RORA: variants seen among roughly 807,000 people sequenced by gnomAD.
RORA encodes the protein nuclear receptor ROR-alpha.
Under a neutral mutation model 69.5 loss-of-function variants are expected in RORA, and 7 were observed. That is an observed-to-expected ratio of 0.10 (90% confidence interval 0.06 to 0.19). The LOEUF is 0.19. RORA is among the 10% of genes least tolerant of loss of function. The pLI is 1.00. For synonymous variants in RORA, 261 were observed against 240.8 expected (o/e 1.08, Z -0.78); for missense variants, 457 against 663.0 (o/e 0.69, Z 3.41).
chr15:61,150,404 TACAA>T (rs59349239), intron 1 of RORA, among the ~76,000 whole-genome samples: 5,843 of 152,240 alleles, frequency 0.038, 377 homozygotes, highest in African/African-American at 0.13. Flanking sequence ...AATATGTACA[TACAA>T]ACAGACAGTC....
chr15:61,069,646 T>A (rs530874369), intron 1 of RORA, among the ~76,000 whole-genome samples: 2 of 151,560 alleles, frequency 1.3e-5, no homozygotes, highest in African/African-American at 2.4e-5. Flanking sequence ...TTAATCCACA[T>A]TGTGAAAAAG....
chr15:61,143,127 G>C (rs534218732), intron 1 of RORA, among the ~76,000 whole-genome samples: 112 of 152,192 alleles, frequency 7.4e-4, no homozygotes, highest in African/African-American at 2.6e-3. Flanking sequence ...GGATACATTA[G>C]GAGAGAAGGC....
At chr15:60,598,667 G>A (rs2068751012) in intron 2 of RORA, among the ~76,000 whole-genome samples, 1 of 152,186 alleles carries the variant, frequency 6.6e-6, no homozygotes, top group Admixed American at 6.5e-5. Flanking sequence ...GTCAACAGTA[G>A]GCTATTAGTA....
intron 1 of RORA, among the ~76,000 whole-genome samples, chr15:61,115,941 C>G (rs748636093): frequency 6.6e-6 from 1 of 152,130 alleles, no homozygotes; most frequent in Non-Finnish European, 1.5e-5. Context: ...AAAAAGTGAG[C>G]TGTGTCTAGG....
chr15:61,039,497 C>T (rs1243037296), intron 1 of RORA, among the ~76,000 whole-genome samples: 4 of 151,804 alleles, frequency 2.6e-5, no homozygotes, highest in South Asian at 2.1e-4. Context: ...AGGCAGATCA[C>T]GAGGTCATGA....
chr15:60,988,893 C>G (rs17204749), intron 1 of RORA, among the ~76,000 whole-genome samples: 23,844 of 151,842 alleles, frequency 0.16, 2,127 homozygotes, highest in East Asian at 0.24. Context: ...TCTTTTACAC[C>G]GAAGGAAAGA....
At chr15:61,096,869 G>A (rs1456931755) in intron 1 of RORA, among the ~76,000 whole-genome samples, 1 of 152,164 alleles carries the variant, frequency 6.6e-6, no homozygotes, top group Non-Finnish European at 1.5e-5. Context: ...CTGGTGCAGC[G>A]CTTTGGGAAA....
intron 1 of RORA, among the ~76,000 whole-genome samples, chr15:60,869,051 A>G (rs946467562): frequency 4.6e-5 from 7 of 151,744 alleles, no homozygotes; most frequent in Non-Finnish European, 1.0e-4. Flanking sequence ...TCCATCAGGC[A>G]CCCCCCCATT....
At chr15:60,642,745 T>A (rs2069965599) in intron 2 of RORA, among the ~76,000 whole-genome samples, 1 of 151,960 alleles carries the variant, frequency 6.6e-6, no homozygotes, top group African/African-American at 2.4e-5. Flanking sequence ...TAGCCAAGTG[T>A]GGTAGTGGCA....
At chr15:60,653,677 C>A (rs1243187672) in intron 2 of RORA, among the ~76,000 whole-genome samples, 2 of 152,132 alleles carry the variant, frequency 1.3e-5, no homozygotes, top group Admixed American at 6.5e-5. Context: ...GAAGTTGAGC[C>A]CATGGTAATG....
chr15:60,712,350 T>C (rs1285632666), intron 1 of RORA, among the ~76,000 whole-genome samples: 1 of 152,222 alleles, frequency 6.6e-6, no homozygotes, highest in Admixed American at 6.5e-5. Flanking sequence ...AAGGTCTTTG[T>C]TCCTGCATTA....
At chr15:60,898,131 A>G (rs1891282912) in intron 1 of RORA, among the ~76,000 whole-genome samples, 1 of 152,348 alleles carries the variant, frequency 6.6e-6, no homozygotes, top group African/African-American at 2.4e-5. Flanking sequence ...GAGCACAATG[A>G]AGAATACTTT....
At chr15:60,649,837 T>G (rs552301675) in intron 2 of RORA, among the ~76,000 whole-genome samples, 9 of 152,318 alleles carry the variant, frequency 5.9e-5, no homozygotes, top group African/African-American at 2.2e-4. Flanking sequence ...AAACTCACCT[T>G]AACTTGGCCT....
chr15:60,895,586 G>A (rs58233104), intron 1 of RORA, among the ~76,000 whole-genome samples: 100,568 of 151,884 alleles, frequency 0.66, 34,614 homozygotes, highest in South Asian at 0.82. Flanking sequence ...TCAATAGCTC[G>A]GCATCTTGTG....
chr15:60,528,832 G>A (rs748686380), intron 3 of RORA: 1 of 152,202 alleles, frequency 6.6e-6, no homozygotes. Flanking sequence ...TACAGATGGG[G>A]GAACTGAGGC....
chr15:60,825,362 G>A (rs2072942525), intron 1 of RORA, among the ~76,000 whole-genome samples: 1 of 152,206 alleles, frequency 6.6e-6, no homozygotes, highest in African/African-American at 2.4e-5. Flanking sequence ...TAGAAATGAT[G>A]TAGTGATTCT....
chr15:60,645,092 CA>C (rs1298891118), intron 2 of RORA, among the ~76,000 whole-genome samples: 1 of 152,052 alleles, frequency 6.6e-6, no homozygotes, highest in Non-Finnish European at 1.5e-5. Flanking sequence ...AAATTAAAAA[CA>C]CTGTAATTCC....
intron 1 of RORA, among the ~76,000 whole-genome samples, chr15:60,768,249 T>C (rs2072019623): frequency 6.6e-6 from 1 of 152,186 alleles, no homozygotes; most frequent in African/African-American, 2.4e-5. Flanking sequence ...GATACATCCA[T>C]CAAGCAACTT....
At chr15:61,058,030 C>T (rs1350113777) in intron 1 of RORA, among the ~76,000 whole-genome samples, 1 of 152,162 alleles carries the variant, frequency 6.6e-6, no homozygotes, top group East Asian at 1.9e-4. Flanking sequence ...AGGATGTTTT[C>T]TGCTGCTCAG....
Sources: allele counts gnomAD v4.1 joint callset (sites outside exome capture counted in the v4.1 genomes callset), GRCh38; gene constraint gnomAD v4.1.1; transcripts MANE v1.5; gene names NCBI Gene and HGNC (gene_info 2026-07-23, HGNC 2026-07-21).